AUTS2: variants seen among roughly 807,000 people sequenced by gnomAD.
AUTS2 encodes the protein autism susceptibility gene 2 protein.
A neutral mutation model predicts 112.4 loss-of-function variants in AUTS2; 17 were observed. The observed-to-expected ratio is 0.15, with a 90% CI of 0.10 to 0.23. The LOEUF is 0.23. AUTS2 is among the 10% of genes least tolerant of loss of function. The pLI is 1.00. For missense variants in AUTS2, 1,510 were observed against 1,701.6 expected, an observed-to-expected ratio of 0.89 and a Z score of 1.98; for synonymous variants, 751 against 702.7, an observed-to-expected ratio of 1.07 and a Z score of -1.09.
At chr7:70,507,071 G>C (rs1446594169) in intron 5 of AUTS2, among the ~76,000 whole-genome samples, 1 of 152,144 alleles carries the variant, frequency 6.6e-6, no homozygotes, top group Non-Finnish European at 1.5e-5. Flanking sequence ...ACCCTCTTTT[G>C]GAAAATGAAC....
chr7:70,671,345 C>T (rs978307510), intron 5 of AUTS2, among the ~76,000 whole-genome samples: 1 of 152,218 alleles, frequency 6.6e-6, no homozygotes, highest in Non-Finnish European at 1.5e-5. Context: ...GAAATGAAAG[C>T]TTGTCAATCC....
At chr7:70,487,913 A>G (rs149557749) in intron 5 of AUTS2, among the ~76,000 whole-genome samples, 25 of 152,238 alleles carry the variant, frequency 1.6e-4, no homozygotes, top group African/African-American at 5.5e-4. Flanking sequence ...AAATAGGGGG[A>G]TGAGTAGATG....
intron 4 of AUTS2, among the ~76,000 whole-genome samples, chr7:70,348,319 G>C (rs186000990): frequency 1.3e-5 from 2 of 152,278 alleles, no homozygotes; most frequent in Admixed American, 1.3e-4. Context: ...GTTTCCCCAT[G>C]TAAATGAGAC....
At chr7:70,290,027 A>G (rs1221369842) in intron 4 of AUTS2, among the ~76,000 whole-genome samples, 1 of 152,200 alleles carries the variant, frequency 6.6e-6, no homozygotes, top group Non-Finnish European at 1.5e-5. Context: ...CTTGCACCAT[A>G]TAACAAAAAA....
chr7:69,760,197 CTTTTTTT>C (rs375758180), intron 1 of AUTS2, among the ~76,000 whole-genome samples: 15 of 121,068 alleles, frequency 1.2e-4, no homozygotes, highest in Non-Finnish European at 2.1e-4. Flanking sequence ...TTCTTTTTTT[CTTTTTTT>C]TTTTTTTTTT....
intron 8 of AUTS2, 137 bp downstream of exon 8, chr7:70,765,142 C>A: frequency 1.6e-6 from 2 of 1,213,824 alleles, no homozygotes; most frequent in Non-Finnish European, 1.1e-6. Flanking sequence ...CTTCCTCAAA[C>A]GCTCTCTGGC....
At chr7:70,243,762 G>A (rs1812752846) in intron 4 of AUTS2, among the ~76,000 whole-genome samples, 1 of 152,104 alleles carries the variant, frequency 6.6e-6, no homozygotes, top group South Asian at 2.1e-4. Flanking sequence ...CACCAAAAGG[G>A]TAATGCTACA....
At chr7:69,783,332 G>A (rs1277689086) in intron 1 of AUTS2, among the ~76,000 whole-genome samples, 1 of 152,040 alleles carries the variant, frequency 6.6e-6, no homozygotes, top group African/African-American at 2.4e-5. Flanking sequence ...ATGATTTTAG[G>A]AGGGGTTTCT....
intron 2 of AUTS2, among the ~76,000 whole-genome samples, chr7:70,084,695 T>C (rs1409424463): frequency 6.6e-6 from 1 of 152,220 alleles, no homozygotes; most frequent in African/African-American, 2.4e-5. Flanking sequence ...GAATTCTGTT[T>C]ATATCTTTTG....
intron 1 of AUTS2, among the ~76,000 whole-genome samples, chr7:69,896,340 C>T (rs1282308949): frequency 6.6e-6 from 1 of 152,208 alleles, no homozygotes; most frequent in Non-Finnish European, 1.5e-5. Context: ...CTCATTGCCT[C>T]AGGAGAGCTA....
chr7:70,460,679 G>A (rs912495905), intron 5 of AUTS2, among the ~76,000 whole-genome samples: 4 of 152,044 alleles, frequency 2.6e-5, no homozygotes, highest in Admixed American at 1.3e-4. Context: ...GGTCAGCTTC[G>A]GCTTCCTATT....
chr7:69,994,277 A>G (rs542376799), intron 2 of AUTS2, among the ~76,000 whole-genome samples: 3 of 152,328 alleles, frequency 2.0e-5, no homozygotes, highest in African/African-American at 7.2e-5. Context: ...AAGGTTCACA[A>G]CTTCATTATC....
At chr7:70,237,129 G>T (rs1174103442) in intron 4 of AUTS2, among the ~76,000 whole-genome samples, 1 of 152,152 alleles carries the variant, frequency 6.6e-6, no homozygotes, top group Non-Finnish European at 1.5e-5. Context: ...TTGGGCAGGG[G>T]ACTTTCTTGT....
rs11395113 is a variant in AUTS2, at chr7:70,299,830, T to TAAA, written c.661-135911_661-135909dup. ...TTCTTTTGCTTTTGTTTTTTTCCTT[T>TAAA]AAAAAAAAAAAAATCTTTCTGTTTG... On this transcript the variant is annotated intron_variant, in intron 4 of 18. Coordinates refer to ENST00000342771, the MANE Select transcript of AUTS2 (RefSeq NM_015570.4). Among the ~76,000 whole-genome samples, 1,197 of 147,806 alleles carry TAAA rather than the reference T, an allele frequency of 8.1e-3. 21 individuals carry two copies. Among genetic ancestry groups the TAAA allele is most frequent in the African/African-American group, 0.028 (1,132 of 40,428 alleles).
intron 15 of AUTS2, 166 bp from the exon 16 acceptor site, chr7:70,784,766 AAAAAAAACAC>A (rs1791328256): frequency 2.6e-4 from 75 of 288,026 alleles, no homozygotes; most frequent in Middle Eastern, 1.4e-3. Context: ...AAAAAAAAAA[AAAAAAAACAC>A]ACATTTTCTT....
chr7:70,531,712 AC>A (rs1205393615), intron 5 of AUTS2, among the ~76,000 whole-genome samples: 1 of 151,474 alleles, frequency 6.6e-6, no homozygotes, highest in Non-Finnish European at 1.5e-5. Context: ...TGACCCCAAC[AC>A]CTCCCACCAG....
Position 70,791,010 on chromosome 7 carries a change from G to A in AUTS2, c.*14G>A. The A allele has an allele frequency of 6.8e-7, 1 of 1,480,464 alleles. No homozygotes were observed. Among genetic ancestry groups the A allele is most frequent in the Non-Finnish European group, 8.9e-7 (1 of 1,117,886 alleles). The allele number at this position is 1,480,464 out of a possible 1,614,324, so 91.7% of individuals were successfully genotyped here. A position where few individuals can be genotyped will look rare whatever the true frequency, so the allele number is the denominator to read the frequency against. The stretch of plus-strand genomic sequence containing the variant: ...GAGGCCCGATAAGCCGAGAACAGGA[G>A]CAAGAACGAGGAAGAAGAAACCCTA... On this transcript the variant is annotated 3_prime_UTR_variant, in exon 19 of 19. Transcript: ENST00000342771.
chr7:70,207,720 T>G (rs1330945292), intron 4 of AUTS2, among the ~76,000 whole-genome samples: 1 of 152,102 alleles, frequency 6.6e-6, no homozygotes, highest in Non-Finnish European at 1.5e-5. Flanking sequence ...TGATCTATTA[T>G]TACATTACCG....
At chr7:70,743,777 G>A (rs1788266399) in intron 6 of AUTS2, among the ~76,000 whole-genome samples, 1 of 152,182 alleles carries the variant, frequency 6.6e-6, no homozygotes, top group South Asian at 2.1e-4. Flanking sequence ...TCCCAGCACT[G>A]ACAGATTTGA....
Sources: gnomAD v4.1 joint callset for allele counts (sites outside exome capture counted in the v4.1 genomes callset) on GRCh38, gnomAD v4.1.1 for gene constraint, MANE v1.5 for transcripts, NCBI Gene and HGNC (gene_info 2026-07-23, HGNC 2026-07-21) for gene names.